DBNL: variants seen among roughly 807,000 people sequenced by gnomAD.
The protein encoded by DBNL is drebrin-like protein.
In DBNL, 35 loss-of-function variants were observed where a neutral mutation model predicts 62.2. That is an observed-to-expected ratio of 0.56 (90% confidence interval 0.43 to 0.75). The LOEUF is 0.75. Ranked by LOEUF, DBNL falls within the 30% of genes least tolerant of loss-of-function variation. DBNL has a pLI of 0.00. For missense variants in DBNL, 495 were observed against 578.4 expected, an observed-to-expected ratio of 0.86 and a Z score of 1.48; for synonymous variants, 197 against 218.0, an observed-to-expected ratio of 0.90 and a Z score of 0.85.
Position 44,065,671 on chromosome 7 carries a change from G to T in DBNL, c.*4755G>T. On this transcript the variant is annotated 3_prime_UTR_variant, in exon 13 of 13. Coordinates refer to ENST00000448521, the MANE Select transcript of DBNL (RefSeq NM_001014436.3). ...TCCAGGCGGTGGCAGGTGACCAGTA[G>T]CTGAGCTGCTGGGGGCTGGGGGCCA... 2 of 792,392 alleles carry T rather than the reference G, an allele frequency of 2.5e-6. No homozygotes were observed. Among genetic ancestry groups the T allele is most frequent in the Non-Finnish European group, 2.1e-6 (1 of 472,726 alleles). 49.1% of individuals were successfully genotyped at this position (792,392 alleles called of 1,614,324 possible). A position where few individuals can be genotyped will look rare whatever the true frequency, so the allele number is the denominator to read the frequency against.
rs1217144575 is a variant in DBNL, at chr7:44,064,276, G to A, written c.*3360G>A. ...AAGCCCAGAGTCTGGCCACTCCATAGTCCTGCACCCCTCTTTTGATTGGTC... is the reference window on the plus strand; with the variant it reads ...AAGCCCAGAGTCTGGCCACTCCATAATCCTGCACCCCTCTTTTGATTGGTC... On this transcript the variant is annotated 3_prime_UTR_variant, in exon 13 of 13. Coordinates refer to ENST00000448521, the MANE Select transcript of DBNL (RefSeq NM_001014436.3). The A allele has an allele frequency of 5.5e-6, 1 of 182,314 alleles. No homozygotes were observed. The highest frequency in any genetic ancestry group is 1.2e-5 in the Non-Finnish European group (1 of 85,798). The allele number at this position is 182,314 out of a possible 1,614,324, so 11.3% of individuals were successfully genotyped here.
chr7:44,065,276 C>T lies in DBNL; in HGVS notation c.*4360C>T, dbSNP rs1339835313. The T allele has an allele frequency of 6.2e-7, 1 of 1,613,726 alleles. No individual in the cohort carries two copies. The highest frequency in any genetic ancestry group is 8.5e-7 in the Non-Finnish European group (1 of 1,180,046). Reference sequence around the variant, plus strand: ...CCCGTAATGCCGCTCATTGAGGCGCCAAGTGCGCACCACAGGCAGCCACAT... The same window carrying T: ...CCCGTAATGCCGCTCATTGAGGCGCTAAGTGCGCACCACAGGCAGCCACAT... On this transcript the variant is annotated 3_prime_UTR_variant, in exon 13 of 13. Transcript: ENST00000448521.
At chr7:44,058,752 A>T in intron 8 of DBNL, 150 bp from the exon 9 acceptor site, 1 of 913,268 alleles carries the variant, frequency 1.1e-6, no homozygotes, top group Non-Finnish European at 1.7e-6. Flanking sequence ...TTTTATTTTT[A>T]AATGACTTCT....
rs992103711 is a variant in DBNL at position 44,064,063 on chromosome 7, C to T, written c.*3147C>T. On this transcript the variant is annotated 3_prime_UTR_variant, in exon 13 of 13. Transcript: ENST00000448521. ...CTAGGAGCAGGAGGTCTGGGGCACA[C>T]CCTTCTAGCCTTTCCAGGACTCAAC... 6.6e-6 allele frequency: 1 copy of T among 152,528 alleles called. No homozygotes were observed. The highest frequency in any genetic ancestry group is 1.5e-5 in the Non-Finnish European group (1 of 68,182). 9.4% of individuals were successfully genotyped at this position (152,528 alleles called of 1,614,324 possible). A position where few individuals can be genotyped will look rare whatever the true frequency, so the allele number is the denominator to read the frequency against.
At chr7:44,050,395 C>A (rs1198974913) in intron 2 of DBNL, 115 bp downstream of exon 2, 2 of 1,006,126 alleles carry the variant, frequency 2.0e-6, no homozygotes, top group Non-Finnish European at 3.1e-6. Context: ...CCAGTGCTCA[C>A]TGGCCACTTC....
chr7:44,059,502 G>C lies in DBNL; in HGVS notation c.932-41G>C, dbSNP rs2096144013. On this transcript the variant is annotated intron_variant, in intron 10 of 12. Transcript: ENST00000448521. The surrounding 1 kb of genome is among the most constrained non-coding windows in gnomAD (Gnocchi z 4.1). ...CCTGGGGGACAGCAGTGGAGAAGGG[G>C]GATGTGTGGGAGTGAGAACCTGCTG... 15 of 1,613,344 alleles carry C rather than the reference G, an allele frequency of 9.3e-6. No homozygotes were observed. The highest frequency in any genetic ancestry group is 1.3e-5 in the Non-Finnish European group (15 of 1,179,678).
intron 5 of DBNL, 27 bp from the exon 6 acceptor site, chr7:44,057,755 G>A: frequency 6.2e-7 from 1 of 1,613,904 alleles, no homozygotes; most frequent in Non-Finnish European, 8.5e-7. Context: ...CTGGGTCCAG[G>A]TCTCTAATGA....
Position 44,058,494 on chromosome 7 carries a change from G to A in DBNL, c.753+14G>A. 1.2e-6 allele frequency: 2 copies of A among 1,613,924 alleles called. No individual in the cohort carries two copies. Among genetic ancestry groups the A allele is most frequent in the Non-Finnish European group, 1.7e-6 (2 of 1,179,942 alleles). The stretch of plus-strand genomic sequence containing the variant: ...CGAAATGAGCAGGTAAGATGGGGGT[G>A]CTCTACTTGTTTGGACCTGTCCTGG... On this transcript the variant is annotated intron_variant, in intron 8 of 12. Transcript: ENST00000448521.
chr7:44,050,392 T>G, intron 2 of DBNL, 112 bp downstream of exon 2: 2 of 1,104,712 alleles, frequency 1.8e-6, no homozygotes, highest in Non-Finnish European at 2.7e-6. Flanking sequence ...CTTCCAGTGC[T>G]CACTGGCCAC....
In DBNL at chr7:44,052,898, G is replaced by C. The variant is rs1284466204; in HGVS notation, c.284G>C (p.Gly95Ala). 6.2e-7 allele frequency: 1 copy of C among 1,613,854 alleles called. No individual in the cohort carries two copies. The highest frequency in any genetic ancestry group is 2.2e-5 in the East Asian group (1 of 44,876). Residue 95 changes from glycine (G) to alanine (A), a missense_variant, in exon 4 of 13, where the codon GGA becomes GCA. Gly to Ala is a moderately conservative substitution (Grantham distance 60, BLOSUM62 0). Coordinates refer to ENST00000448521, the MANE Select transcript of DBNL (RefSeq NM_001014436.3). ...TGEGVNDVRKGACASHVSTMA... is the reference protein window; with the variant it reads ...TGEGVNDVRKAACASHVSTMA... ...GAGGGCGTGAACGATGTGCGGAAGG[G>C]AGCCTGTGCCAGCCACGTCAGCACC...
In DBNL at chr7:44,065,261, C is replaced by G. The variant is rs764804190; in HGVS notation, c.*4345C>G. 6.2e-7 allele frequency: 1 copy of G among 1,613,726 alleles called. No homozygotes were observed. Among genetic ancestry groups the G allele is most frequent in the African/African-American group, 1.3e-5 (1 of 74,942 alleles). ...GAGGCCTGTGAGGCCCCCGTAATGC[C>G]GCTCATTGAGGCGCCAAGTGCGCAC... On this transcript the variant is annotated 3_prime_UTR_variant, in exon 13 of 13. Transcript: ENST00000448521.
rs530934704 is a variant in DBNL, at chr7:44,060,676, G to A, written c.1154-101G>A. 2 of 1,504,848 alleles carry A rather than the reference G, an allele frequency of 1.3e-6. No homozygotes were observed. The highest frequency in any genetic ancestry group is 1.8e-6 in the Non-Finnish European group (2 of 1,114,886). 93.2% of individuals were successfully genotyped at this position (1,504,848 alleles called of 1,614,324 possible). A position where few individuals can be genotyped will look rare whatever the true frequency, so the allele number is the denominator to read the frequency against. ...TTTCTGAGGAGGAACCAGAGCTGCA[G>A]CGAGGTGTGCTGCAGCAGTGTGGGG... On this transcript the variant is annotated intron_variant, in intron 12 of 12. Coordinates refer to ENST00000448521, the MANE Select transcript of DBNL (RefSeq NM_001014436.3). This position sits in a 1 kb window ranked among gnomAD's most constrained non-coding sequence, Gnocchi z 6.3.
rs2096141126 is a variant in DBNL, at chr7:44,058,455, T to C, written c.728T>C (p.Val243Ala). The change falls in exon 8 of 13, where the codon GTG (valine) becomes GCG (alanine). Residue 243 changes from valine to alanine, a missense_variant. Physicochemically the swap from Val to Ala is moderately conservative, Grantham distance 64. Coordinates refer to ENST00000448521, the MANE Select transcript of DBNL (RefSeq NM_001014436.3). The stretch of plus-strand genomic sequence containing the variant: ...AGGACGTGGGAGCAGCAGCAAGAAG[T>C]GGTTTCAAGGAACCGAAATGAGCAG... ...PQRTWEQQQE[V>A]VSRNRNEQES... The C allele has an allele frequency of 6.2e-7, 1 of 1,614,170 alleles. No individual in the cohort carries two copies. Among genetic ancestry groups the C allele is most frequent in the Non-Finnish European group, 8.5e-7 (1 of 1,180,038 alleles).
Position 44,044,755 on chromosome 7 carries a change from C to G in DBNL, c.18C>G (p.Ser6Arg). Residue 6 changes from serine to arginine, a missense_variant, in exon 1 of 13, where the codon AGC (serine) becomes AGG (arginine). By Grantham distance (110) the Ser-to-Arg change is moderately radical. Coordinates refer to ENST00000448521, the MANE Select transcript of DBNL (RefSeq NM_001014436.3). MAANL[S>R]RNGPALQEAY... ...GGCGGGCCATGGCGGCGAACCTGAG[C>G]CGGAACGGGCCAGCGCTGCAAGAGG... 1 of 1,508,314 alleles carries G rather than the reference C, an allele frequency of 6.6e-7. No homozygotes were observed. The highest frequency in any genetic ancestry group is 2.1e-5 in the Admixed American group (1 of 46,764). The allele number at this position is 1,508,314 out of a possible 1,614,324, so 93.4% of individuals were successfully genotyped here.
chr7:44,059,711 A>G lies in DBNL; in HGVS notation c.1047+53A>G. ...AGGAAGGGGCTGCATACTCAGGAAC[A>G]CTTATCACGGGCCGCCTGAGTTTTC... On this transcript the variant is annotated intron_variant, in intron 11 of 12. Coordinates refer to ENST00000448521, the MANE Select transcript of DBNL (RefSeq NM_001014436.3). This position sits in a 1 kb window ranked among gnomAD's most constrained non-coding sequence, Gnocchi z 4.1. 3 of 1,495,026 alleles carry G rather than the reference A, an allele frequency of 2.0e-6. No homozygotes were observed. The highest frequency in any genetic ancestry group is 2.7e-6 in the Non-Finnish European group (3 of 1,116,816). 92.6% of individuals were successfully genotyped at this position (1,495,026 alleles called of 1,614,324 possible). A position where few individuals can be genotyped will look rare whatever the true frequency, so the allele number is the denominator to read the frequency against.
At position 44,065,366 on chromosome 7, in the gene DBNL, C is replaced by T. The variant is rs777711300; in HGVS notation, c.*4450C>T. 1.2e-6 allele frequency: 2 copies of T among 1,613,886 alleles called. No homozygotes were observed. The highest frequency in any genetic ancestry group is 2.2e-5 in the East Asian group (1 of 44,906). On this transcript the variant is annotated 3_prime_UTR_variant, in exon 13 of 13. Coordinates refer to ENST00000448521, the MANE Select transcript of DBNL (RefSeq NM_001014436.3). ...GGCCCGCTTCAGCACTGACGTGTAG[C>T]AGATGTCAAACTCCATCTTGGCATC...
At position 44,059,453 on chromosome 7, in the gene DBNL, AG is replaced by A. The variant is rs1465911845; in HGVS notation, c.931+6del. ...GCCATCTCAAGGCCCAGGGCAGGCAAGGCGCTTGTCACCCCATGGGGACCCT... is the reference window on the plus strand; with the variant it reads ...GCCATCTCAAGGCCCAGGGCAGGCAAGCGCTTGTCACCCCATGGGGACCCT... On this transcript the variant is annotated splice_donor_5th_base_variant and intron_variant, in intron 10 of 12. Transcript: ENST00000448521. The surrounding 1 kb of genome is among the most constrained non-coding windows in gnomAD (Gnocchi z 4.1). 1 of 1,613,888 alleles carries A rather than the reference AG, an allele frequency of 6.2e-7. No homozygotes were observed. Among genetic ancestry groups the A allele is most frequent in the African/African-American group, 1.3e-5 (1 of 74,932 alleles).
Position 44,063,431 on chromosome 7 carries a change from G to T in DBNL, c.*2515G>T. ...CAAGTAGCTGGGATTACAGGTGAGC[G>T]CCACCACACCCGGCTAATTTTGTAT... On this transcript the variant is annotated 3_prime_UTR_variant, in exon 13 of 13. Transcript: ENST00000448521. 1 of 191,674 alleles carries T rather than the reference G, an allele frequency of 5.2e-6. No homozygotes were observed. Among genetic ancestry groups the T allele is most frequent in the Non-Finnish European group, 1.1e-5 (1 of 90,384 alleles). 11.9% of individuals were successfully genotyped at this position (191,674 alleles called of 1,614,324 possible). A position where few individuals can be genotyped will look rare whatever the true frequency, so the allele number is the denominator to read the frequency against.
chr7:44,059,525 C>T lies in DBNL; in HGVS notation c.932-18C>T, dbSNP rs2096144090. 1 of 1,613,332 alleles carries T rather than the reference C, an allele frequency of 6.2e-7. No homozygotes were observed. The highest frequency in any genetic ancestry group is 8.5e-7 in the Non-Finnish European group (1 of 1,179,756). On this transcript the variant is annotated intron_variant, in intron 10 of 12. Coordinates refer to ENST00000448521, the MANE Select transcript of DBNL (RefSeq NM_001014436.3). The surrounding 1 kb of genome is among the most constrained non-coding windows in gnomAD (Gnocchi z 4.1). ...GGGGATGTGTGGGAGTGAGAACCTG[C>T]TGTGTTCCCTGGTGCAGATCTCCCT...
Sources: gnomAD v4.1 joint callset for allele counts on GRCh38, gnomAD v4.1.1 for gene constraint, Gnocchi (gnomAD v3.1) non-coding constraint, MANE v1.5 for transcripts, NCBI Gene and HGNC (gene_info 2026-07-23, HGNC 2026-07-21) for gene names.